The following PCDHA1 variants were observed in gnomAD, a reference collection of about 807,000 sequenced individuals.
PCDHA1 encodes the protein protocadherin alpha 1, also known as protocadherin alpha-1.
A neutral mutation model predicts 61.3 loss-of-function variants in PCDHA1; 42 were observed. The ratio of observed to expected loss-of-function variants is 0.69; its 90% CI spans 0.54 to 0.89. The LOEUF (loss-of-function observed/expected upper bound fraction) is 0.89. PCDHA1 is among the 40% of genes least tolerant of loss of function. PCDHA1 has a pLI of 0.00. For missense variants in PCDHA1, 1,256 were observed against 1,235.3 expected (o/e 1.02, Z -0.25); for synonymous variants, 610 against 553.8 (o/e 1.10, Z -1.43).
At chr5:140,867,674 T>C (rs1450203824) in intron 1 of PCDHA1, 1 of 152,128 alleles carries the variant, frequency 6.6e-6, no homozygotes, top group Non-Finnish European at 1.5e-5. Flanking sequence ...CTCTAAAATT[T>C]TGTTGCATCT....
chr5:140,954,284 C>G (rs1719232084), intron 1 of PCDHA1, among the ~76,000 whole-genome samples: 1 of 152,158 alleles, frequency 6.6e-6, no homozygotes, highest in South Asian at 2.1e-4. Context: ...ATTTATATTC[C>G]TTTGGGTACA....
rs1237672298 is a variant in PCDHA1 at position 140,786,283 on chromosome 5, C to T, written c.-8C>T. ...AGGAGAGCATAAGAAAGGTGTAGTC[C>T]TTTTGCAATGGTGTTTTCTAGGAGA... On this transcript the variant is annotated 5_prime_UTR_variant, in exon 1 of 4. Coordinates refer to ENST00000504120, the MANE Select transcript of PCDHA1 (RefSeq NM_018900.4). 1.3e-6 allele frequency: 2 copies of T among 1,590,916 alleles called. No homozygotes were observed. The highest frequency in any genetic ancestry group is 1.8e-5 in the Admixed American group (1 of 56,810).
At chr5:140,990,792 T>C (rs1554251750) in intron 3 of PCDHA1, among the ~76,000 whole-genome samples, 2 of 152,176 alleles carry the variant, frequency 1.3e-5, no homozygotes, top group African/African-American at 4.8e-5. Flanking sequence ...CGATGAACCA[T>C]GGAATACAGA....
In PCDHA1 at chr5:140,843,928, G is replaced by A. The variant is rs1028169690; in HGVS notation, c.2394+55244G>A. 7.7e-5 allele frequency: 45 copies of A among 584,434 alleles called. 4 individuals carry two copies. The highest frequency in any genetic ancestry group is 1.3e-4 in the Non-Finnish European group (44 of 335,490). The allele number at this position is 584,434 out of a possible 1,614,324, so 36.2% of individuals were successfully genotyped here. ...AAGTTGGGTCTATCTTGAAACTCAA[G>A]TTATGGTTGGATGATATCCATTTTT... On this transcript the variant is annotated intron_variant, in intron 1 of 3. Coordinates refer to ENST00000504120, the MANE Select transcript of PCDHA1 (RefSeq NM_018900.4).
chr5:140,802,029 G>A (rs1554121830), intron 1 of PCDHA1: 1 of 1,614,046 alleles, frequency 6.2e-7, no homozygotes, highest in African/African-American at 1.3e-5. Context: ...TAAGGATATC[G>A]CGTATTCTTT....
At chr5:140,812,281 A>G (rs1488791435) in intron 1 of PCDHA1, 2 of 151,894 alleles carry the variant, frequency 1.3e-5, no homozygotes, top group African/African-American at 4.8e-5. Context: ...CTTCTAGGTT[A>G]TTGAATTTTT....
chr5:140,790,386 T>A (rs1290074891), intron 1 of PCDHA1, among the ~76,000 whole-genome samples: 1 of 152,262 alleles, frequency 6.6e-6, no homozygotes, highest in Non-Finnish European at 1.5e-5. Context: ...CATACATGAA[T>A]GTCCCCTTGT....
intron 1 of PCDHA1, chr5:140,827,923 C>A: frequency 1.0e-6 from 1 of 965,886 alleles, no homozygotes; most frequent in Non-Finnish European, 1.5e-6. Context: ...CGCTGTCTAC[C>A]ATGAAGTTAT....
In PCDHA1 at chr5:140,876,316, A is replaced by G. The variant is rs782671827; in HGVS notation, c.2394+87632A>G. ...TAATGGAGAAATTTCCTATGGGATC[A>G]AAATGATTTTGCCAGTGAGTGAGAA... is the stretch of plus-strand genomic sequence containing the variant. On this transcript the variant is annotated intron_variant, in intron 1 of 3. Transcript: ENST00000504120. 4 of 1,613,952 alleles carry G rather than the reference A, an allele frequency of 2.5e-6. No individual in the cohort carries two copies. Among genetic ancestry groups the G allele is most frequent in the Admixed American group, 3.3e-5 (2 of 60,018 alleles).
chr5:140,917,256 T>C (rs1043140553), intron 1 of PCDHA1, among the ~76,000 whole-genome samples: 6 of 151,524 alleles, frequency 4.0e-5, no homozygotes, highest in African/African-American at 7.3e-5. Context: ...ATTGCTCACC[T>C]GATGTTTGGT....
chr5:140,843,259 T>G lies in PCDHA1; in HGVS notation c.2394+54575T>G, dbSNP rs143217470. Reference sequence around the variant, plus strand: ...ACGAAGCGGACTCTCCGCGCCACCGTCTGCTGGTCCTGGTGAAGGATCATG... The same window carrying G: ...ACGAAGCGGACTCTCCGCGCCACCGGCTGCTGGTCCTGGTGAAGGATCATG... On this transcript the variant is annotated intron_variant, in intron 1 of 3. Transcript: ENST00000504120. 98 of 1,596,004 alleles carry G rather than the reference T, an allele frequency of 6.1e-5. 8 individuals are homozygous for G. In the African/African-American group the frequency reaches 1.1e-3, roughly 18 times the overall value.
chr5:140,998,433 C>CTA (rs2097813622), intron 3 of PCDHA1, among the ~76,000 whole-genome samples: 2 of 152,160 alleles, frequency 1.3e-5, no homozygotes, highest in Admixed American at 1.3e-4. Flanking sequence ...TCCTTTAACA[C>CTA]TATTATTGTA....
rs2150123679 is a variant in PCDHA1 at position 140,823,222 on chromosome 5, G to A, written c.2394+34538G>A. ...CACGGTGTCTGCACGGGACGCGGAC[G>A]CGCAGGAGAACGCCCTGGTGTCCTA... On this transcript the variant is annotated intron_variant, in intron 1 of 3. Coordinates refer to ENST00000504120, the MANE Select transcript of PCDHA1 (RefSeq NM_018900.4). The A allele has an allele frequency of 1.7e-4, 270 of 1,613,614 alleles. No homozygotes were observed. Among genetic ancestry groups the A allele is most frequent in the Non-Finnish European group, 2.1e-4 (251 of 1,179,816 alleles).
intron 1 of PCDHA1, chr5:140,825,426 T>C (rs1234497621): frequency 6.8e-6 from 1 of 147,558 alleles, no homozygotes; most frequent in Non-Finnish European, 1.5e-5. Flanking sequence ...ATATATATAA[T>C]AAATATATAA....
intron 1 of PCDHA1, chr5:140,928,228 C>T: frequency 6.2e-7 from 1 of 1,614,218 alleles, no homozygotes; most frequent in Non-Finnish European, 8.5e-7. Context: ...ACCAAACTTT[C>T]CTCAACCCCA....
intron 1 of PCDHA1, chr5:140,806,879 CA>C: frequency 4.9e-6 from 2 of 410,048 alleles, no homozygotes; most frequent in Non-Finnish European, 4.4e-6. Flanking sequence ...CACAGTAGTA[CA>C]AAATGTATTC....
chr5:140,840,681 G>A (rs1776812728), intron 1 of PCDHA1, among the ~76,000 whole-genome samples: 1 of 152,038 alleles, frequency 6.6e-6, no homozygotes, highest in African/African-American at 2.4e-5. Flanking sequence ...TATTACTTTA[G>A]TAAATAAAAC....
chr5:140,792,687 G>A (rs1487227374), intron 1 of PCDHA1, among the ~76,000 whole-genome samples: 1 of 152,140 alleles, frequency 6.6e-6, no homozygotes, highest in Non-Finnish European at 1.5e-5. Context: ...TGCAGAAATT[G>A]TCTCAAGCAA....
chr5:140,787,847 A>T lies in PCDHA1; in HGVS notation c.1557A>T (p.Ala519=), dbSNP rs370912994. The change falls in exon 1 of 4, where the codon GCA becomes GCT. Residue 519 remains alanine (A), a synonymous_variant. Coordinates refer to ENST00000504120, the MANE Select transcript of PCDHA1 (RefSeq NM_018900.4). ...SVHAESGKVY[A]LQPLDHEELE... is the part of the protein sequence containing the mutation. ...ACGCGGAGAGCGGCAAGGTGTACGCACTGCAGCCCCTGGACCACGAGGAGC... is the reference window on the plus strand; with the variant it reads ...ACGCGGAGAGCGGCAAGGTGTACGCTCTGCAGCCCCTGGACCACGAGGAGC... 6.2e-7 allele frequency: 1 copy of T among 1,612,666 alleles called. No individual in the cohort carries two copies. The highest frequency in any genetic ancestry group is 1.1e-5 in the South Asian group (1 of 91,020).
Sources: allele counts gnomAD v4.1 joint callset (sites outside exome capture counted in the v4.1 genomes callset), GRCh38; gene constraint gnomAD v4.1.1; transcripts MANE v1.5; gene names NCBI Gene and HGNC (gene_info 2026-07-23, HGNC 2026-07-21).